Variants in RBAK observed in about 807,000 individuals in gnomAD.
RBAK encodes RB-associated KRAB zinc finger protein.
RBAK carries 39 observed loss-of-function variants against 65.8 expected under a neutral mutation model. The ratio of observed to expected loss-of-function variants is 0.59; its 90% CI spans 0.46 to 0.77. The LOEUF is 0.77. Among genes scored for constraint, RBAK ranks in the 30% least tolerant of loss-of-function variants. RBAK has a pLI of 0.00. For missense variants in RBAK, 884 were observed against 855.1 expected, an observed-to-expected ratio of 1.03 and a Z score of -0.42; for synonymous variants, 343 against 289.7, an observed-to-expected ratio of 1.18 and a Z score of -1.87.
intron 2 of RBAK, among the ~76,000 whole-genome samples, chr7:5,050,775 T>C (rs756999939): frequency 5.3e-5 from 8 of 152,152 alleles, no homozygotes; most frequent in Non-Finnish European, 1.0e-4. Context: ...GGTTTTGCTA[T>C]GTTGCCCAGG....
At chr7:5,061,278 T>G (rs916586708) in intron 4 of RBAK, among the ~76,000 whole-genome samples, 1 of 152,010 alleles carries the variant, frequency 6.6e-6, no homozygotes, top group Non-Finnish European at 1.5e-5. Flanking sequence ...TAGTAAATTG[T>G]TGGGGGTTTG....
chr7:5,059,682 T>C (rs914228498), intron 4 of RBAK, among the ~76,000 whole-genome samples: 2 of 152,228 alleles, frequency 1.3e-5, no homozygotes, highest in African/African-American at 4.8e-5. Context: ...CTCCAGTCTT[T>C]CCTTCTCTTA....
In RBAK at chr7:5,046,015, C is replaced by T. The variant is rs10258371; in HGVS notation, c.-426C>T. ...GCGGGGGTGTGCAGGCCAGGGTTCG[C>T]GCGGGCCGGGTGGAGGCTTGAGCGG... On this transcript the variant is annotated 5_prime_UTR_variant, in exon 1 of 5. Coordinates refer to ENST00000396912, the MANE Select transcript of RBAK (RefSeq NM_021163.4). The T allele has an allele frequency of 0.11, 29,409 of 273,962 alleles. 1,839 individuals are homozygous for T. The highest frequency in any genetic ancestry group is 0.19 in the African/African-American group (7,790 of 42,080). 17.0% of individuals were successfully genotyped at this position (273,962 alleles called of 1,614,324 possible).
intron 2 of RBAK, among the ~76,000 whole-genome samples, chr7:5,053,216 T>C (rs1788154281): frequency 6.6e-6 from 1 of 152,258 alleles, no homozygotes; most frequent in Non-Finnish European, 1.5e-5. Context: ...TGATGAATTC[T>C]TGTACGTCTG....
Position 5,064,503 on chromosome 7 carries a change from ATG to A in RBAK, c.1050_1051del (p.Cys350TrpfsTer26). 6.2e-7 allele frequency: 1 copy of A among 1,614,070 alleles called. No homozygotes were observed. On this transcript the variant is annotated frameshift_variant, in exon 5 of 5. Coordinates refer to ENST00000396912, the MANE Select transcript of RBAK (RefSeq NM_021163.4). LOFTEE classifies it high-confidence loss of function. This position sits in a 1 kb window ranked among gnomAD's most constrained non-coding sequence, Gnocchi z 6.3. ...GAGAGAAACCCTACGAATGTAGCGA[ATG>A]TGGGAAAACCTTCTGCCAAAAGACA... ...SGEKPYECSE[C>X]GKTFCQKTHL...
intron 4 of RBAK, among the ~76,000 whole-genome samples, chr7:5,059,393 T>C (rs1779013168): frequency 6.6e-6 from 1 of 152,152 alleles, no homozygotes; most frequent in South Asian, 2.1e-4. Context: ...TGATCTCGGC[T>C]CACTGCAGCC....
chr7:5,057,836 A>T (rs1275864469), intron 4 of RBAK, 57 bp downstream of exon 4: 1 of 1,594,436 alleles, frequency 6.3e-7, no homozygotes, highest in African/African-American at 1.3e-5. Context: ...TTTGGGAGAG[A>T]CTAAAGAGTT....
intron 2 of RBAK, among the ~76,000 whole-genome samples, chr7:5,055,480 C>T (rs575480810): frequency 6.6e-6 from 1 of 152,148 alleles, no homozygotes; most frequent in South Asian, 2.1e-4. Context: ...CTTTTTCTGT[C>T]AAGCTTTTTC....
At chr7:5,059,033 A>G (rs1444816797) in intron 4 of RBAK, among the ~76,000 whole-genome samples, 2 of 152,182 alleles carry the variant, frequency 1.3e-5, no homozygotes, top group Non-Finnish European at 2.9e-5. Context: ...AACTGTGCAC[A>G]TTCCAAAATC....
At position 5,065,977 on chromosome 7, in the gene RBAK, A is replaced by C. The variant is rs1779208872; in HGVS notation, c.*376A>C. On this transcript the variant is annotated 3_prime_UTR_variant, in exon 5 of 5. Transcript: ENST00000396912. This position sits in a 1 kb window ranked among gnomAD's most constrained non-coding sequence, Gnocchi z 5.3. Reference sequence around the variant, plus strand: ...GTTGTAAAAGCCATATTTCTAATGGAAAATCAGGTGTTTACAGGAAAGATC... The same window carrying C: ...GTTGTAAAAGCCATATTTCTAATGGCAAATCAGGTGTTTACAGGAAAGATC... 1 of 156,394 alleles carries C rather than the reference A, an allele frequency of 6.4e-6. No individual in the cohort carries two copies. Among genetic ancestry groups the C allele is most frequent in the Non-Finnish European group, 1.4e-5 (1 of 70,764 alleles). The allele number at this position is 156,394 out of a possible 1,614,324, so 9.7% of individuals were successfully genotyped here. A position where few individuals can be genotyped will look rare whatever the true frequency, so the allele number is the denominator to read the frequency against.
chr7:5,045,877 T>G lies in RBAK; in HGVS notation c.-564T>G. On this transcript the variant is annotated 5_prime_UTR_variant, in exon 1 of 5. Transcript: ENST00000396912. ...GCCGCTGCACTGCCCTCGCTTCCTG[T>G]GCGTCCTCAGGTCACCGCTTGCTCT... is the stretch of plus-strand genomic sequence containing the variant. The G allele has an allele frequency of 1.8e-5, 6 of 342,414 alleles. No individual in the cohort carries two copies. The highest frequency in any genetic ancestry group is 1.3e-4 in the South Asian group (6 of 47,080). The allele number at this position is 342,414 out of a possible 1,614,324, so 21.2% of individuals were successfully genotyped here.
chr7:5,046,503 G>C (rs1175074009), intron 1 of RBAK, 107 bp downstream of exon 1: 1 of 386,944 alleles, frequency 2.6e-6, no homozygotes, highest in Non-Finnish European at 5.0e-6. Flanking sequence ...TCGCTTGCAG[G>C]AGAGACGTGT....
Position 5,066,765 on chromosome 7 carries a change from AT to A in RBAK, c.*1166del, listed in dbSNP as rs1779228913. 1 of 152,174 alleles carries A rather than the reference AT, an allele frequency of 6.6e-6. No homozygotes were observed. The highest frequency in any genetic ancestry group is 1.5e-5 in the Non-Finnish European group (1 of 67,992). The allele number at this position is 152,174 out of a possible 1,614,324, so 9.4% of individuals were successfully genotyped here. On this transcript the variant is annotated 3_prime_UTR_variant, in exon 5 of 5. Transcript: ENST00000396912. Reference sequence around the variant, plus strand: ...CTTCACATGACACAGGGGAATCCTGATTAGTCAAAATAATAATGATTTCATT... The same window carrying A: ...CTTCACATGACACAGGGGAATCCTGATAGTCAAAATAATAATGATTTCATT...
chr7:5,052,643 C>G (rs1788141352), intron 2 of RBAK, among the ~76,000 whole-genome samples: 1 of 152,188 alleles, frequency 6.6e-6, no homozygotes, highest in South Asian at 2.1e-4. Context: ...ACTTTCATTT[C>G]TCTCCTCTTG....
At position 5,065,218 on chromosome 7, in the gene RBAK, G is replaced by GTACA; in HGVS notation, c.1763_1766dup (p.Gly591HisfsTer7). 6.2e-7 allele frequency: 1 copy of GTACA among 1,613,476 alleles called. No homozygotes were observed. On this transcript the variant is annotated frameshift_variant, in exon 5 of 5. Coordinates refer to ENST00000396912, the MANE Select transcript of RBAK (RefSeq NM_021163.4). LOFTEE classifies it high-confidence loss of function. The surrounding 1 kb of genome is among the most constrained non-coding windows in gnomAD (Gnocchi z 5.3). Reference sequence around the variant, plus strand: ...TTCATCCCTCTTCAGACATCAAAGAGTACACACAGGCGAGAAACCCTATGA... The same window carrying GTACA: ...TTCATCCCTCTTCAGACATCAAAGAGTACATACACACAGGCGAGAAACCCTATGA...
chr7:5,059,354 CTT>C (rs1422104729), intron 4 of RBAK, among the ~76,000 whole-genome samples: 3 of 151,938 alleles, frequency 2.0e-5, no homozygotes, highest in African/African-American at 7.3e-5. Flanking sequence ...GAGTCTCACT[CTT>C]GTCGCCCAGG....
chr7:5,050,711 A>G (rs550737960), intron 2 of RBAK, among the ~76,000 whole-genome samples: 12 of 152,128 alleles, frequency 7.9e-5, no homozygotes, highest in African/African-American at 2.9e-4. Context: ...AGTAGCTGGG[A>G]GTATAGTCAT....
In RBAK at chr7:5,069,271, G is replaced by C. The variant is rs2115053441; in HGVS notation, c.*3670G>C. 1.3e-5 allele frequency: 2 copies of C among 152,270 alleles called. No individual in the cohort carries two copies. The highest frequency in any genetic ancestry group is 4.1e-4 in the South Asian group (2 of 4,822). 9.4% of individuals were successfully genotyped at this position (152,270 alleles called of 1,614,324 possible). A position where few individuals can be genotyped will look rare whatever the true frequency, so the allele number is the denominator to read the frequency against. On this transcript the variant is annotated 3_prime_UTR_variant, in exon 5 of 5. Transcript: ENST00000396912. ...TAAATGGCAGATTTTGCATAATTCT[G>C]TGCAGGAAATACATATTTATAGTAA... is the stretch of plus-strand genomic sequence containing the variant.
chr7:5,063,579 G>T, intron 4 of RBAK, 116 bp from the exon 5 acceptor site: 5 of 714,960 alleles, frequency 7.0e-6, no homozygotes, highest in Non-Finnish European at 8.7e-6. Context: ...TTTTATTTAT[G>T]GAGATTGGCT....
Sources: gnomAD v4.1 joint callset for allele counts (sites outside exome capture counted in the v4.1 genomes callset) on GRCh38, gnomAD v4.1.1 for gene constraint, Gnocchi (gnomAD v3.1) non-coding constraint, MANE v1.5 for transcripts, NCBI Gene and HGNC (gene_info 2026-07-23, HGNC 2026-07-21) for gene names.